PPM1H: variants seen among roughly 807,000 people sequenced by gnomAD.
PPM1H encodes protein phosphatase, Mg2+/Mn2+ dependent 1H.
A neutral mutation model predicts 54.9 loss-of-function variants in PPM1H; 27 were observed. The observed-to-expected ratio is 0.49, with a 90% CI of 0.36 to 0.68. The LOEUF (loss-of-function observed/expected upper bound fraction) is 0.68. Among genes scored for constraint, PPM1H ranks in the 30% least tolerant of loss-of-function variants. The probability of loss-of-function intolerance (pLI) is 0.00; values close to 1 mark genes in which losing one functional copy is unlikely to be tolerated. For missense variants in PPM1H, 596 were observed against 667.8 expected (o/e 0.89, Z 1.19); for synonymous variants, 305 against 270.8 (o/e 1.13, Z -1.24).
chr12:62,742,133 T>G (rs929418210), intron 4 of PPM1H, among the ~76,000 whole-genome samples: 1 of 152,130 alleles, frequency 6.6e-6, no homozygotes, highest in Non-Finnish European at 1.5e-5. Context: ...GTTTTTTAAT[T>G]TCAAATTCAC....
At chr12:62,888,991 C>T (rs778654253) in intron 1 of PPM1H, among the ~76,000 whole-genome samples, 2 of 152,200 alleles carry the variant, frequency 1.3e-5, no homozygotes, top group East Asian at 1.9e-4. Flanking sequence ...GTAAACTATG[C>T]CCATGGTTGT....
At chr12:62,741,104 C>A (rs962450540) in intron 4 of PPM1H, among the ~76,000 whole-genome samples, 1 of 152,146 alleles carries the variant, frequency 6.6e-6, no homozygotes, top group Admixed American at 6.5e-5. Flanking sequence ...CCAAATCTGT[C>A]TTCTAGCATT....
intron 1 of PPM1H, among the ~76,000 whole-genome samples, chr12:62,933,579 C>T (rs913609152): frequency 6.6e-6 from 1 of 152,188 alleles, no homozygotes; most frequent in Non-Finnish European, 1.5e-5. Context: ...GAATTCTATT[C>T]TAAATGTCTC....
intron 1 of PPM1H, among the ~76,000 whole-genome samples, chr12:62,866,808 A>G (rs1230568871): frequency 4.6e-5 from 7 of 152,036 alleles, no homozygotes; most frequent in Non-Finnish European, 1.0e-4. Flanking sequence ...GTACAGCAAT[A>G]GATAACTAGT....
At chr12:62,867,562 C>CTTTTTT (rs1481926545) in intron 1 of PPM1H, among the ~76,000 whole-genome samples, 4 of 101,868 alleles carry the variant, frequency 3.9e-5, no homozygotes, top group African/African-American at 1.4e-4. Context: ...CTTATGAGCA[C>CTTTTTT]TATTTTTTTT....
At chr12:62,826,090 T>G (rs1868288065) in intron 2 of PPM1H, among the ~76,000 whole-genome samples, 1 of 152,344 alleles carries the variant, frequency 6.6e-6, no homozygotes, top group East Asian at 1.9e-4. Context: ...TCTTTATGAA[T>G]TGGTATTTGG....
At chr12:62,696,515 C>A (rs2076115606) in intron 6 of PPM1H, among the ~76,000 whole-genome samples, 1 of 152,142 alleles carries the variant, frequency 6.6e-6, no homozygotes, top group African/African-American at 2.4e-5. Flanking sequence ...TTTCTGAATC[C>A]TAAGCACAGA....
intron 4 of PPM1H, among the ~76,000 whole-genome samples, chr12:62,777,440 A>T (rs925158698): frequency 6.6e-5 from 10 of 152,228 alleles, no homozygotes; most frequent in African/African-American, 2.4e-4. Context: ...TGCCTGGCTC[A>T]TGGAAGGCAT....
At chr12:62,891,671 A>T (rs1870801298) in intron 1 of PPM1H, among the ~76,000 whole-genome samples, 1 of 152,204 alleles carries the variant, frequency 6.6e-6, no homozygotes, top group African/African-American at 2.4e-5. Context: ...ATCACGACAG[A>T]GGGCCTTTAG....
At chr12:62,792,715 C>T (rs2076707386) in intron 3 of PPM1H, among the ~76,000 whole-genome samples, 1 of 152,082 alleles carries the variant, frequency 6.6e-6, no homozygotes, top group Admixed American at 6.6e-5. Context: ...TAATTGCTTC[C>T]CTCCCCCTCC....
chr12:62,907,174 C>A (rs1017543195), intron 1 of PPM1H, among the ~76,000 whole-genome samples: 5 of 152,186 alleles, frequency 3.3e-5, no homozygotes, highest in African/African-American at 4.8e-5. Flanking sequence ...GTTCTTCCCA[C>A]CCTCCATCTA....
chr12:62,658,940 A>C (rs1054575311), intron 9 of PPM1H: 16 of 693,678 alleles, frequency 2.3e-5, no homozygotes, highest in Non-Finnish European at 4.0e-5. Flanking sequence ...ACCCAGAGGT[A>C]CTGACAACAG....
rs71086630 is a variant in PPM1H, at chr12:62,771,045, G to GACACACACACACAC, written c.869+17167_869+17180dup. The stretch of plus-strand genomic sequence containing the variant: ...CTAAGTCTTGCAGGAAAAAGAAAAA[G>GACACACACACACAC]ACACACACACACACACACACACACA... On this transcript the variant is annotated intron_variant, in intron 4 of 9. Transcript: ENST00000228705. 2.3e-3 allele frequency among the ~76,000 whole-genome samples: 296 copies of GACACACACACACAC among 129,494 alleles called. 4 individuals carry two copies. Among genetic ancestry groups the GACACACACACACAC allele is most frequent in the South Asian group, 4.7e-3 (17 of 3,640 alleles). The allele number at this position is 129,494 out of a possible 152,430, so 85.0% of individuals were successfully genotyped here. A position where few individuals can be genotyped will look rare whatever the true frequency, so the allele number is the denominator to read the frequency against.
At chr12:62,678,110 C>T (rs1483745828) in intron 8 of PPM1H, among the ~76,000 whole-genome samples, 1 of 152,134 alleles carries the variant, frequency 6.6e-6, no homozygotes, top group African/African-American at 2.4e-5. Context: ...CCATGCCTGG[C>T]TAAGTTTTGT....
intron 1 of PPM1H, among the ~76,000 whole-genome samples, chr12:62,924,958 G>T (rs1436005694): frequency 6.6e-6 from 1 of 152,076 alleles, no homozygotes; most frequent in Non-Finnish European, 1.5e-5. Context: ...CACAGGAATC[G>T]CTTGAACCCA....
At chr12:62,672,663 A>G (rs1376969038) in intron 8 of PPM1H, among the ~76,000 whole-genome samples, 2 of 152,212 alleles carry the variant, frequency 1.3e-5, no homozygotes, top group Non-Finnish European at 2.9e-5. Context: ...ATCTTATCCT[A>G]TCTGTTTTTG....
At chr12:62,867,562 C>CTTTT (rs1481926545) in intron 1 of PPM1H, among the ~76,000 whole-genome samples, 10 of 101,870 alleles carry the variant, frequency 9.8e-5, no homozygotes, top group African/African-American at 3.2e-4. Flanking sequence ...CTTATGAGCA[C>CTTTT]TATTTTTTTT....
intron 4 of PPM1H, among the ~76,000 whole-genome samples, chr12:62,739,014 C>T (rs202172847): frequency 7.8e-4 from 117 of 150,470 alleles, no homozygotes; most frequent in African/African-American, 2.6e-3. Flanking sequence ...GGGCGGGCAG[C>T]GCATCCAGGA....
At chr12:62,856,612 T>C (rs1869398950) in intron 1 of PPM1H, among the ~76,000 whole-genome samples, 1 of 152,200 alleles carries the variant, frequency 6.6e-6, no homozygotes, top group Non-Finnish European at 1.5e-5. Flanking sequence ...ATGTTTGAGA[T>C]GATATGGTAA....
Sources: gnomAD v4.1 joint callset for allele counts (sites outside exome capture counted in the v4.1 genomes callset) on GRCh38, gnomAD v4.1.1 for gene constraint, MANE v1.5 for transcripts, NCBI Gene and HGNC (gene_info 2026-07-23, HGNC 2026-07-21) for gene names.